The following ADGRG2 variants were observed in gnomAD, a reference collection of about 807,000 sequenced individuals.
ADGRG2 encodes the protein adhesion G protein-coupled receptor G2, also known as G protein-coupled receptor 64.
In ADGRG2, 26 loss-of-function variants were observed where a neutral mutation model predicts 74.1. That is an observed-to-expected ratio of 0.35 (90% CI 0.26 to 0.49). The LOEUF is 0.49. ADGRG2 is among the 20% of genes least tolerant of loss of function. The probability of loss-of-function intolerance (pLI) is 0.99; values close to 1 mark genes in which losing one functional copy is unlikely to be tolerated. For synonymous variants in ADGRG2, 296 were observed against 295.2 expected, an observed-to-expected ratio of 1.00 and a Z score of -0.03; for missense variants, 619 against 763.1, an observed-to-expected ratio of 0.81 and a Z score of 2.22.
At chrX:19,109,216 T>C (rs1442115932) in intron 1 of ADGRG2, among the ~76,000 whole-genome samples, 1 of 111,634 alleles carries the variant, frequency 9.0e-6, no homozygotes, top group Non-Finnish European at 1.9e-5. Flanking sequence ...TTGACTCATG[T>C]ATGAACTGTG....
Position 19,099,191 on chromosome X carries a change from T to TA in ADGRG2, c.-46-16446dup, listed in dbSNP as rs371386826. ...AGAGCGAGACTCCATCTAAAAAAGT[T>TA]AAAAAAAAAAAAATTAAGTGATGGG... On this transcript the variant is annotated intron_variant, in intron 1 of 28. Transcript: ENST00000379869. 1.8e-3 allele frequency among the ~76,000 whole-genome samples: 184 copies of TA among 103,288 alleles called. 1 individual carries two copies. The highest frequency in any genetic ancestry group is 5.3e-3 in the African/African-American group (153 of 28,645). The allele number at this position is 103,288 out of a possible 115,157, so 89.7% of individuals were successfully genotyped here. A position where few individuals can be genotyped will look rare whatever the true frequency, so the allele number is the denominator to read the frequency against.
intron 20 of ADGRG2, among the ~76,000 whole-genome samples, chrX:19,006,753 ATTT>A (rs35276629): frequency 1.2e-5 from 1 of 81,814 alleles, no homozygotes. Flanking sequence ...TAGGTGGTCA[ATTT>A]TTTTTTTTTT....
chrX:19,054,597 A>T (rs1379560529), intron 3 of ADGRG2, among the ~76,000 whole-genome samples: 2 of 112,395 alleles, frequency 1.8e-5, no homozygotes, highest in African/African-American at 6.5e-5. Context: ...CAGAACTGAA[A>T]CAACAAAACA....
At chrX:19,110,706 C>CA (rs61043602) in intron 1 of ADGRG2, among the ~76,000 whole-genome samples, 8,928 of 83,783 alleles carry the variant, frequency 0.11, 1,112 homozygotes, top group African/African-American at 0.34. Flanking sequence ...AAAAAACAAA[C>CA]AAAAAAAAAA....
At chrX:19,006,910 C>T (rs2060247441) in intron 20 of ADGRG2, among the ~76,000 whole-genome samples, 1 of 108,654 alleles carries the variant, frequency 9.2e-6, no homozygotes, top group African/African-American at 3.4e-5. Context: ...GAGCCTGCCA[C>T]CACGCCCAGC....
chrX:19,011,963 C>T (rs1267915658), intron 16 of ADGRG2, among the ~76,000 whole-genome samples: 1 of 112,454 alleles, frequency 8.9e-6, no homozygotes, highest in Non-Finnish European at 1.9e-5. Flanking sequence ...AATTTCACCA[C>T]TTAACATCCT....
chrX:19,103,027 G>A (rs1390788003), intron 1 of ADGRG2, among the ~76,000 whole-genome samples: 8 of 111,174 alleles, frequency 7.2e-5, no homozygotes, highest in Non-Finnish European at 1.5e-4. Flanking sequence ...AAATAAGGCT[G>A]AGACCTGTTG....
intron 28 of ADGRG2, among the ~76,000 whole-genome samples, chrX:18,991,321 C>G (rs2059920794): frequency 9.1e-6 from 1 of 110,396 alleles, no homozygotes; most frequent in African/African-American, 3.3e-5. Flanking sequence ...AAATCTGAAG[C>G]AAGGTAATAT....
chrX:19,006,361 T>C, intron 20 of ADGRG2, 96 bp from the exon 21 acceptor site: 1 of 617,503 alleles, frequency 1.6e-6, no homozygotes, highest in Admixed American at 3.1e-5. Flanking sequence ...AAAACTGTGG[T>C]TTTTTTTAAA....
intron 20 of ADGRG2, 22 bp from the exon 21 acceptor site, chrX:19,006,287 C>G: frequency 3.0e-6 from 3 of 998,652 alleles, no homozygotes; most frequent in Non-Finnish European, 4.2e-6. Flanking sequence ...AGATAAATCA[C>G]ACATAATTAA....
At chrX:18,992,698 T>C (rs2059943669) in intron 28 of ADGRG2, among the ~76,000 whole-genome samples, 2 of 112,492 alleles carry the variant, frequency 1.8e-5, no homozygotes, top group Non-Finnish European at 3.8e-5. Context: ...TTATGTGATA[T>C]TAAACACTGA....
intron 3 of ADGRG2, among the ~76,000 whole-genome samples, chrX:19,046,146 G>A (rs889987755): frequency 8.9e-6 from 1 of 112,566 alleles, no homozygotes; most frequent in East Asian, 2.8e-4. Flanking sequence ...CTACAGAGGT[G>A]TGGCACCATG....
In ADGRG2 at chrX:18,990,734, T is replaced by G. The variant is rs2059907247; in HGVS notation, c.*130A>C. 1 of 447,207 alleles carries G rather than the reference T, an allele frequency of 2.2e-6. No homozygotes were observed. Among genetic ancestry groups the G allele is most frequent in the Non-Finnish European group, 3.7e-6 (1 of 266,672 alleles). The allele number at this position is 447,207 out of a possible 1,213,427, so 36.9% of individuals were successfully genotyped here. A position where few individuals can be genotyped will look rare whatever the true frequency, so the allele number is the denominator to read the frequency against. On this transcript the variant is annotated 3_prime_UTR_variant, in exon 29 of 29. Transcript: ENST00000379869. ...TTGTAATAATAATCATCGCCCTTAA[T>G]TAGCTTATGCTTCTCCAGATGTTGC...
intron 3 of ADGRG2, among the ~76,000 whole-genome samples, chrX:19,053,326 T>C (rs1248339292): frequency 9.0e-6 from 1 of 110,936 alleles, no homozygotes; most frequent in Admixed American, 9.6e-5. Flanking sequence ...CAGATCCTAC[T>C]AAGGTAAAAG....
In ADGRG2 at chrX:19,006,014, G is replaced by A. The variant is rs186603149; in HGVS notation, c.1827C>T (p.Phe609=). The A allele has an allele frequency of 2.3e-4, 275 of 1,197,139 alleles. 2 individuals are homozygous for A. The South Asian group carries it at 2.7e-3, about 12-fold the overall frequency. Residue 609 remains phenylalanine (F), a synonymous_variant, in exon 22 of 29, where the codon TTC becomes TTT. Coordinates refer to ENST00000379869, the MANE Select transcript of ADGRG2 (RefSeq NM_001079858.3). ...TICTCSHLTS[F]GVLLDLSRTS... ...ACAGGCATATTACCAGCAGAACGCC[G>A]AAGCTTGTTAGATGGCTACAGGTAC... is the stretch of plus-strand genomic sequence containing the variant.
chrX:19,044,230 T>G (rs142182334), intron 3 of ADGRG2, among the ~76,000 whole-genome samples: 285 of 111,364 alleles, frequency 2.6e-3, no homozygotes, highest in African/African-American at 9.1e-3. Context: ...TTGCTAGCAA[T>G]ACATTGAGGG....
intron 18 of ADGRG2, 113 bp from the exon 19 acceptor site, chrX:19,008,236 A>T (rs56801091): frequency 0.019 from 8,784 of 469,709 alleles, 218 homozygotes; most frequent in African/African-American, 0.12. Flanking sequence ...TTTTTTTTTT[A>T]AAAAAAGATA....
intron 1 of ADGRG2, among the ~76,000 whole-genome samples, chrX:19,107,871 C>A (rs1000866906): frequency 9.2e-6 from 1 of 108,193 alleles, no homozygotes; most frequent in African/African-American, 3.4e-5. Context: ...GAGGCTGAGG[C>A]GGGCGGATCA....
chrX:19,066,812 G>C (rs777175903), intron 3 of ADGRG2, among the ~76,000 whole-genome samples: 1 of 110,942 alleles, frequency 9.0e-6, no homozygotes, highest in East Asian at 2.8e-4. Context: ...TGCAGGCCCA[G>C]CATTGCTGGT....
Sources: allele counts gnomAD v4.1 joint callset (sites outside exome capture counted in the v4.1 genomes callset), GRCh38; gene constraint gnomAD v4.1.1; transcripts MANE v1.5; gene names NCBI Gene and HGNC (gene_info 2026-07-23, HGNC 2026-07-21).